Variants in SNX13 observed in about 807,000 individuals in gnomAD.
The protein encoded by SNX13 is sorting nexin-13.
SNX13 carries 45 observed loss-of-function variants against 133.6 expected under a neutral mutation model. The ratio of observed to expected loss-of-function variants is 0.34; its 90% CI spans 0.27 to 0.43. SNX13 has a LOEUF of 0.43. Ranked by LOEUF, SNX13 falls within the 20% of genes least tolerant of loss-of-function variation. The pLI, the probability that SNX13 is intolerant of heterozygous loss-of-function variation, is 1.00. For missense variants in SNX13, 1,032 were observed against 1,145.1 expected (o/e 0.90, Z 1.43); for synonymous variants, 414 against 373.9 (o/e 1.11, Z -1.24).
chr7:17,872,797 C>T (rs1055058006), intron 8 of SNX13, among the ~76,000 whole-genome samples: 5 of 152,152 alleles, frequency 3.3e-5, no homozygotes, highest in Non-Finnish European at 7.4e-5. Context: ...AAACTTTTCA[C>T]GTTACGCATT....
rs112712106 is a variant in SNX13, at chr7:17,809,173, T to C, written c.2065-5593A>G. 1.9e-4 allele frequency among the ~76,000 whole-genome samples: 28 copies of C among 150,364 alleles called. 2 individuals carry two copies. Among genetic ancestry groups the C allele is most frequent in the African/African-American group, 6.6e-4 (27 of 40,834 alleles). ...AGAGACAGACTGGCATTCAGATAAA[T>C]TGTCAAGACCCACCGGAGTGCTGTA... is the stretch of plus-strand genomic sequence containing the variant. On this transcript the variant is annotated intron_variant, in intron 20 of 25. Transcript: ENST00000428135.
chr7:17,932,056 A>G (rs1203341373), intron 1 of SNX13, among the ~76,000 whole-genome samples: 1 of 152,216 alleles, frequency 6.6e-6, no homozygotes, highest in Non-Finnish European at 1.5e-5. Flanking sequence ...TCAAGATAGC[A>G]TCAAAGGTCA....
chr7:17,927,579 A>G (rs186559278), intron 1 of SNX13, among the ~76,000 whole-genome samples: 3 of 152,154 alleles, frequency 2.0e-5, no homozygotes, highest in Non-Finnish European at 4.4e-5. Flanking sequence ...AGGTTTCTCA[A>G]TAATTTTCCT....
chr7:17,845,495 TA>T, intron 12 of SNX13, 99 bp downstream of exon 12: 1 of 735,292 alleles, frequency 1.4e-6, no homozygotes. Context: ...ACTATACACT[TA>T]AAAATAGTTG....
At chr7:17,861,266 G>C (rs1252334346) in intron 9 of SNX13, among the ~76,000 whole-genome samples, 2 of 151,778 alleles carry the variant, frequency 1.3e-5, no homozygotes, top group Admixed American at 6.6e-5. Flanking sequence ...CCCCGCCCCT[G>C]CCAGAAATGT....
rs1788045777 is a variant in SNX13 at position 17,827,529 on chromosome 7, CTGAT to C, written c.1636-1442_1636-1439del. ...AGGCCAAAAATGTATCTACTAAAAA[CTGAT>C]TGTTAAGAGAAGCAAAATGTGATAA... On this transcript the variant is annotated intron_variant, in intron 16 of 25. Transcript: ENST00000428135. Among the ~76,000 whole-genome samples the C allele has an allele frequency of 9.2e-5, 14 of 152,016 alleles. No individual in the cohort carries two copies. In the South Asian group the frequency reaches 2.7e-3, roughly 29 times the overall value.
chr7:17,856,738 T>C (rs932647597), intron 9 of SNX13, among the ~76,000 whole-genome samples: 5 of 143,618 alleles, frequency 3.5e-5, no homozygotes, highest in African/African-American at 1.3e-4. Flanking sequence ...CAATGAGCTG[T>C]GATCATGCCA....
chr7:17,929,243 G>C (rs1269635247), intron 1 of SNX13, among the ~76,000 whole-genome samples: 3 of 152,004 alleles, frequency 2.0e-5, no homozygotes, highest in African/African-American at 7.2e-5. Context: ...AATAGAGAGA[G>C]ATATAGATTC....
At position 17,794,082 on chromosome 7, in the gene SNX13, A is replaced by C. The variant is rs1218229906; in HGVS notation, c.2837T>G (p.Leu946Arg). ...SKQMQKYKQK[L>R]QTTQAPSLQK... is the part of the protein sequence containing the mutation. ...CAAAGAAGGCGCTTGAGTAGTTTGAAGTTTCTGTTTATATTTCTGCATCTG... is the reference window on the plus strand; with the variant it reads ...CAAAGAAGGCGCTTGAGTAGTTTGACGTTTCTGTTTATATTTCTGCATCTG... The change falls in exon 26 of 26, where the codon CTT (leucine) becomes CGT (arginine). Residue 946 changes from leucine to arginine, a missense_variant. Physicochemically the swap from Leu to Arg is moderately radical, Grantham distance 102. Coordinates refer to ENST00000428135, the MANE Select transcript of SNX13 (RefSeq NM_015132.5). The C allele has an allele frequency of 1.2e-6, 2 of 1,611,556 alleles. No individual in the cohort carries two copies. The highest frequency in any genetic ancestry group is 1.7e-6 in the Non-Finnish European group (2 of 1,178,274).
intron 1 of SNX13, among the ~76,000 whole-genome samples, chr7:17,936,546 G>A (rs1246942224): frequency 2.0e-5 from 3 of 152,226 alleles, no homozygotes; most frequent in Admixed American, 6.5e-5. Context: ...TGGTTTCCAT[G>A]CAAAAACAAC....
At chr7:17,847,010 T>C (rs1318198181) in intron 11 of SNX13, among the ~76,000 whole-genome samples, 1 of 152,160 alleles carries the variant, frequency 6.6e-6, no homozygotes, top group Admixed American at 6.5e-5. Flanking sequence ...GTATTCAAAA[T>C]GGAATTGACA....
intron 22 of SNX13, among the ~76,000 whole-genome samples, chr7:17,800,657 C>A (rs1426504716): frequency 6.6e-6 from 1 of 151,680 alleles, no homozygotes; most frequent in South Asian, 2.1e-4. Flanking sequence ...ATATATCTGA[C>A]AAACAACTCA....
intron 9 of SNX13, among the ~76,000 whole-genome samples, chr7:17,857,707 C>T (rs188940139): frequency 6.6e-6 from 1 of 152,102 alleles, no homozygotes; most frequent in East Asian, 1.9e-4. Context: ...ATTGCTTGAA[C>T]CTGGGAGGTG....
intron 1 of SNX13, among the ~76,000 whole-genome samples, chr7:17,933,815 C>A (rs989405232): frequency 1.3e-5 from 2 of 149,496 alleles, no homozygotes; most frequent in Non-Finnish European, 3.0e-5. Context: ...AAAAAAAAAC[C>A]CGATGTACTA....
intron 1 of SNX13, among the ~76,000 whole-genome samples, chr7:17,928,100 C>T (rs896313525): frequency 6.6e-6 from 1 of 152,200 alleles, no homozygotes; most frequent in African/African-American, 2.4e-5. Flanking sequence ...CACAATCCTA[C>T]CACAGCAGAG....
At chr7:17,937,427 T>C (rs186102626) in intron 1 of SNX13, among the ~76,000 whole-genome samples, 1 of 145,056 alleles carries the variant, frequency 6.9e-6, no homozygotes, top group Non-Finnish European at 1.5e-5. Flanking sequence ...AGCACGAGAA[T>C]AGTTTGAACC....
chr7:17,810,655 G>A (rs1785898505), intron 20 of SNX13, among the ~76,000 whole-genome samples: 1 of 152,162 alleles, frequency 6.6e-6, no homozygotes, highest in Non-Finnish European at 1.5e-5. Context: ...ATTTTATGAG[G>A]CCAGCATCAA....
intron 21 of SNX13, among the ~76,000 whole-genome samples, chr7:17,801,949 T>C (rs541754346): frequency 8.5e-5 from 13 of 152,212 alleles, no homozygotes; most frequent in Non-Finnish European, 1.5e-4. Flanking sequence ...GTCAAATGAC[T>C]TGAAAGCCAA....
intron 1 of SNX13, among the ~76,000 whole-genome samples, chr7:17,914,457 A>T (rs1257934450): frequency 6.6e-6 from 1 of 152,162 alleles, no homozygotes; most frequent in African/African-American, 2.4e-5. Flanking sequence ...AAAATAGAAA[A>T]AATCTTCAAG....
Sources: allele counts gnomAD v4.1 joint callset (sites outside exome capture counted in the v4.1 genomes callset), GRCh38; gene constraint gnomAD v4.1.1; transcripts MANE v1.5; gene names NCBI Gene and HGNC (gene_info 2026-07-23, HGNC 2026-07-21).